MDN1: variants seen among roughly 807,000 people sequenced by gnomAD.
The protein encoded by MDN1 is midasin AAA ATPase 1.
MDN1 carries 266 observed loss-of-function variants against 669.2 expected under a neutral mutation model. That is an observed-to-expected ratio of 0.40 (90% CI 0.36 to 0.44). The LOEUF (loss-of-function observed/expected upper bound fraction) is 0.44. MDN1 is among the 20% of genes least tolerant of loss of function. The probability of loss-of-function intolerance (pLI) is 1.00; values close to 1 mark genes in which losing one functional copy is unlikely to be tolerated. For missense variants in MDN1, 5,940 were observed against 6,754.0 expected (o/e 0.88, Z 4.22); for synonymous variants, 2,385 against 2,457.1 (o/e 0.97, Z 0.87).
chr6:89,761,380 C>T (rs568028457), intron 17 of MDN1, among the ~76,000 whole-genome samples: 1 of 152,032 alleles, frequency 6.6e-6, no homozygotes, highest in South Asian at 2.1e-4. Context: ...TATTCCATAC[C>T]GTATTCATAA....
rs772056960 is a variant in MDN1 at position 89,785,167 on chromosome 6, A to C, written c.1335-41T>G. Reference sequence around the variant, plus strand: ...AAAAACACAGTCACACAAAATTCCAAATTTTAATCCTGAATTGTGCCTCTG... The same window carrying C: ...AAAAACACAGTCACACAAAATTCCACATTTTAATCCTGAATTGTGCCTCTG... On this transcript the variant is annotated intron_variant, in intron 8 of 101. Coordinates refer to ENST00000369393, the MANE Select transcript of MDN1 (RefSeq NM_014611.3). 22 of 1,394,114 alleles carry C rather than the reference A, an allele frequency of 1.6e-5. No individual in the cohort carries two copies. The Admixed American group carries it at 2.9e-4, about 18-fold the overall frequency. 86.4% of individuals were successfully genotyped at this position (1,394,114 alleles called of 1,614,324 possible).
In MDN1 at chr6:89,698,889, C is replaced by T. The variant is rs150387890; in HGVS notation, c.9144G>A (p.Lys3048=). The T allele has an allele frequency of 3.1e-6, 5 of 1,613,932 alleles. No homozygotes were observed. In the African/African-American group the frequency reaches 4.0e-5, roughly 13 times the overall value. ...LPGMQQREAP[K]SVLDSTLKGP... ...CCTTCAATGTGGAGTCCAAAACAGA[C>T]TTGGGTGCCTCCCTCTGCTGCATAC... The change falls in exon 59 of 102, where the codon AAG becomes AAA. Residue 3048 remains lysine (K), a synonymous_variant. Coordinates refer to ENST00000369393, the MANE Select transcript of MDN1 (RefSeq NM_014611.3).
chr6:89,808,328 T>C (rs1768147914), intron 1 of MDN1, among the ~76,000 whole-genome samples: 1 of 152,154 alleles, frequency 6.6e-6, no homozygotes, highest in South Asian at 2.1e-4. Flanking sequence ...GTTAATCAGC[T>C]TGTAGGTCAG....
chr6:89,806,995 G>A (rs1260323455), intron 1 of MDN1, among the ~76,000 whole-genome samples: 1 of 152,044 alleles, frequency 6.6e-6, no homozygotes, highest in East Asian at 1.9e-4. Flanking sequence ...TTTATACATT[G>A]ACCTGGTATC....
chr6:89,754,851 C>T (rs1817155958), intron 20 of MDN1, among the ~76,000 whole-genome samples: 1 of 152,140 alleles, frequency 6.6e-6, no homozygotes, highest in Non-Finnish European at 1.5e-5. Flanking sequence ...AATTCAAGTT[C>T]CTGCCCAAAT....
In MDN1 at chr6:89,718,932, G is replaced by A. The variant is rs1562136314; in HGVS notation, c.6156C>T (p.Ile2052=). 2 of 1,614,168 alleles carry A rather than the reference G, an allele frequency of 1.2e-6. No homozygotes were observed. The highest frequency in any genetic ancestry group is 2.2e-5 in the South Asian group (2 of 91,082). Residue 2052 remains isoleucine, a synonymous_variant, in exon 42 of 102, where the codon ATC becomes ATT. Coordinates refer to ENST00000369393, the MANE Select transcript of MDN1 (RefSeq NM_014611.3). ...TCCAGCTCATCTGCACACACTTCAT[G>A]ATTGACTCCAGGGGTTGGAATGACT... The part of the protein sequence containing the change: ...LHQSFQPLES[I]MKCVQMSWMV...
Position 89,677,827 on chromosome 6 carries a change from T to C in MDN1, c.12413-131A>G. 3.4e-6 allele frequency: 4 copies of C among 1,179,884 alleles called. No homozygotes were observed. In the South Asian group the frequency reaches 5.7e-5, roughly 17 times the overall value. The allele number at this position is 1,179,884 out of a possible 1,614,324, so 73.1% of individuals were successfully genotyped here. The stretch of plus-strand genomic sequence containing the variant: ...GAGAGCTTGTTAGAAATGCAGACTC[T>C]CAGGCTGCACCCACACCAACTGAAA... On this transcript the variant is annotated intron_variant, in intron 75 of 101. Coordinates refer to ENST00000369393, the MANE Select transcript of MDN1 (RefSeq NM_014611.3).
chr6:89,735,368 A>AC (rs1200360925), intron 33 of MDN1, among the ~76,000 whole-genome samples: 1 of 143,800 alleles, frequency 7.0e-6, no homozygotes, highest in African/African-American at 2.6e-5. Flanking sequence ...ATATCACAGA[A>AC]CCTTTTTTTT....
At chr6:89,794,989 C>T (rs1819501687) in intron 2 of MDN1, among the ~76,000 whole-genome samples, 188 bp from the exon 3 acceptor site, 1 of 152,112 alleles carries the variant, frequency 6.6e-6, no homozygotes, top group Admixed American at 6.5e-5. Flanking sequence ...GACCAAACCA[C>T]AAAACAGAAC....
chr6:89,656,057 A>G, intron 91 of MDN1, 89 bp from the exon 92 acceptor site: 1 of 1,170,862 alleles, frequency 8.5e-7, no homozygotes, highest in East Asian at 2.4e-5. Flanking sequence ...AGGGGACAGG[A>G]TAAGTAAATC....
intron 2 of MDN1, chr6:89,797,828 C>T (rs867560004): frequency 4.4e-6 from 1 of 225,398 alleles, no homozygotes; most frequent in African/African-American, 2.3e-5. Flanking sequence ...TGCTCTTAAA[C>T]AATCCAAGTG....
rs1355011471 is a variant in MDN1 at position 89,658,600 on chromosome 6, C to T, written c.15021+10G>A. ...ATTTTTAACATAAAAAGCCAGACAT[C>T]TCATGATACCTGGGGCTGGAAACCT... is the stretch of plus-strand genomic sequence containing the variant. On this transcript the variant is annotated intron_variant, in intron 89 of 101. Transcript: ENST00000369393. The T allele has an allele frequency of 2.5e-6, 4 of 1,598,552 alleles. No homozygotes were observed. Among genetic ancestry groups the T allele is most frequent in the South Asian group, 2.2e-5 (2 of 90,010 alleles).
intron 21 of MDN1, 125 bp from the exon 22 acceptor site, chr6:89,753,747 G>A (rs1817084540): frequency 2.5e-6 from 2 of 784,764 alleles, no homozygotes; most frequent in East Asian, 5.3e-5. Flanking sequence ...ATAGTAAGGT[G>A]GTAGATAAAG....
At position 89,683,310 on chromosome 6, in the gene MDN1, T is replaced by G; in HGVS notation, c.11924A>C (p.Lys3975Thr). Residue 3975 changes from lysine (K) to threonine (T), a missense_variant, in exon 73 of 102, where the codon AAG (lysine) becomes ACG (threonine). By Grantham distance (78) the Lys-to-Thr change is moderately conservative. Coordinates refer to ENST00000369393, the MANE Select transcript of MDN1 (RefSeq NM_014611.3). ...TTCACTCAGGACTGCTTCAAATTTCTTCATGAATTTAAAGAGTGTCCTGTC... is the reference window on the plus strand; with the variant it reads ...TTCACTCAGGACTGCTTCAAATTTCGTCATGAATTTAAAGAGTGTCCTGTC... ...KTHRTLFKFM[K>T]KFEAVLSEPC... 6.2e-7 allele frequency: 1 copy of G among 1,614,130 alleles called. No individual in the cohort carries two copies. Among genetic ancestry groups the G allele is most frequent in the South Asian group, 1.1e-5 (1 of 91,072 alleles).
intron 2 of MDN1, chr6:89,797,690 T>G (rs1819681271): frequency 4.2e-6 from 2 of 470,780 alleles, no homozygotes; most frequent in Admixed American, 4.9e-5. Flanking sequence ...TACCAAAATC[T>G]GCCTTCAGTG....
intron 17 of MDN1, among the ~76,000 whole-genome samples, chr6:89,759,828 C>T (rs567889437): frequency 6.6e-6 from 1 of 150,940 alleles, no homozygotes; most frequent in African/African-American, 2.4e-5. Flanking sequence ...TCGCAGCACT[C>T]TGGAAGGCCA....
At position 89,671,039 on chromosome 6, in the gene MDN1, C is replaced by G. The variant is rs747754721; in HGVS notation, c.13836G>C (p.Pro4612=). The change falls in exon 83 of 102, where the codon CCG becomes CCC. Residue 4612 remains proline, a synonymous_variant. Coordinates refer to ENST00000369393, the MANE Select transcript of MDN1 (RefSeq NM_014611.3). ...CGAGGTCTGAGTAGCTGGAGAGGAC[C>G]GGCACCAGGCGCACCAGCAAGGAAC... ...QSCSLLVRLV[P]VLSSYSDLVL... 1.2e-6 allele frequency: 2 copies of G among 1,613,986 alleles called. No homozygotes were observed. Among genetic ancestry groups the G allele is most frequent in the African/African-American group, 1.3e-5 (1 of 74,978 alleles).
At chr6:89,764,467 T>C (rs1463427222) in intron 15 of MDN1, among the ~76,000 whole-genome samples, 3 of 152,148 alleles carry the variant, frequency 2.0e-5, no homozygotes, top group Non-Finnish European at 2.9e-5. Context: ...TAGCCAGGCA[T>C]GCCAGTGTGC....
chr6:89,782,555 T>C (rs982499912), intron 9 of MDN1, among the ~76,000 whole-genome samples: 11 of 151,660 alleles, frequency 7.3e-5, no homozygotes, highest in Admixed American at 5.3e-4. Flanking sequence ...ACCACTGCAG[T>C]GCACCACTGC....
Sources: gnomAD v4.1 joint callset for allele counts (sites outside exome capture counted in the v4.1 genomes callset) on GRCh38, gnomAD v4.1.1 for gene constraint, MANE v1.5 for transcripts, NCBI Gene and HGNC (gene_info 2026-07-23, HGNC 2026-07-21) for gene names.